Variants in NAV3 observed in about 807,000 individuals in gnomAD.
The protein encoded by NAV3 is pore membrane and/or filament interacting like protein 1.
Under a neutral mutation model 244.7 loss-of-function variants are expected in NAV3, and 87 were observed. The observed-to-expected ratio is 0.36, with a 90% CI of 0.30 to 0.42. The LOEUF is 0.42. Among genes scored for constraint, NAV3 ranks in the 20% least tolerant of loss-of-function variants. NAV3 has a pLI of 1.00. For missense variants in NAV3, 2,663 were observed against 2,893.3 expected, an observed-to-expected ratio of 0.92 and a Z score of 1.83; for synonymous variants, 1,126 against 1,042.2, an observed-to-expected ratio of 1.08 and a Z score of -1.55.
intron 2 of NAV3, among the ~76,000 whole-genome samples, chr12:77,593,513 G>C (rs189078833): frequency 6.6e-6 from 1 of 150,666 alleles, no homozygotes; most frequent in Non-Finnish European, 1.5e-5. Context: ...GCAGTGGCGC[G>C]ATCTCGGCTC....
chr12:77,667,401 T>C (rs1873762845), intron 2 of NAV3, among the ~76,000 whole-genome samples: 1 of 152,130 alleles, frequency 6.6e-6, no homozygotes, highest in Non-Finnish European at 1.5e-5. Flanking sequence ...TCCATGCTGT[T>C]GGTCGGGCAT....
chr12:77,781,190 C>T (rs1175574825), intron 2 of NAV3, among the ~76,000 whole-genome samples: 2 of 152,146 alleles, frequency 1.3e-5, no homozygotes, highest in Non-Finnish European at 2.9e-5. Context: ...TCCCAACCAT[C>T]TGAATGGACC....
At chr12:77,974,679 G>A (rs1032421062) in intron 5 of NAV3, among the ~76,000 whole-genome samples, 1 of 152,178 alleles carries the variant, frequency 6.6e-6, no homozygotes, top group African/African-American at 2.4e-5. Flanking sequence ...AGTCAAGCAA[G>A]TATGGGTTGG....
At chr12:78,031,995 GAAAC>G (rs1879077701) in intron 9 of NAV3, among the ~76,000 whole-genome samples, 1 of 151,962 alleles carries the variant, frequency 6.6e-6, no homozygotes, top group African/African-American at 2.4e-5. Flanking sequence ...ACCCTCAAAT[GAAAC>G]AAACATAGAG....
chr12:77,658,772 T>C (rs1364656264), intron 2 of NAV3, among the ~76,000 whole-genome samples: 2 of 151,790 alleles, frequency 1.3e-5, no homozygotes, highest in Non-Finnish European at 2.9e-5. Context: ...TATAGATCAA[T>C]GGAACAGAAC....
chr12:78,079,777 A>T (rs956965025), intron 12 of NAV3, among the ~76,000 whole-genome samples: 6 of 152,172 alleles, frequency 3.9e-5, no homozygotes, highest in African/African-American at 1.4e-4. Context: ...TGTACAAATG[A>T]TTAGGCCTAC....
At chr12:78,137,145 G>A in intron 18 of NAV3, 32 bp from the exon 19 acceptor site, 2 of 1,570,956 alleles carry the variant, frequency 1.3e-6, no homozygotes, top group Non-Finnish European at 1.7e-6. Context: ...TCAAGCTTAA[G>A]AGTAATAGGC....
intron 2 of NAV3, among the ~76,000 whole-genome samples, chr12:77,625,076 AT>A (rs1871556252): frequency 6.6e-6 from 1 of 152,190 alleles, no homozygotes; most frequent in Non-Finnish European, 1.5e-5. Context: ...GTGGAAAAAA[AT>A]TTTTTTAAGA....
At chr12:77,911,347 G>A (rs1030647692) in intron 1 of NAV3, among the ~76,000 whole-genome samples, 14 of 152,066 alleles carry the variant, frequency 9.2e-5, no homozygotes, top group African/African-American at 3.4e-4. Flanking sequence ...CTGTTGGCCA[G>A]CATAACATTT....
intron 2 of NAV3, among the ~76,000 whole-genome samples, chr12:77,702,687 T>C (rs1875614148): frequency 6.6e-6 from 1 of 152,050 alleles, no homozygotes; most frequent in African/African-American, 2.4e-5. Flanking sequence ...AGAAACAAAG[T>C]ATTTTTCTAC....
chr12:78,071,776 A>T (rs930172683), intron 12 of NAV3, among the ~76,000 whole-genome samples: 11 of 152,162 alleles, frequency 7.2e-5, no homozygotes, highest in Admixed American at 6.5e-4. Flanking sequence ...CAAAGATCAG[A>T]TAGTTGTAGA....
intron 2 of NAV3, among the ~76,000 whole-genome samples, chr12:77,754,650 A>C (rs1457036642): frequency 6.6e-6 from 1 of 152,216 alleles, no homozygotes; most frequent in Non-Finnish European, 1.5e-5. Flanking sequence ...ACTAAAGCAG[A>C]AAGAATGGCA....
At chr12:77,993,760 C>T (rs1871846834) in intron 5 of NAV3, among the ~76,000 whole-genome samples, 1 of 152,252 alleles carries the variant, frequency 6.6e-6, no homozygotes, top group Middle Eastern at 3.4e-3. Context: ...ATCAGGACTC[C>T]AAGTGATCCC....
In NAV3 at chr12:77,787,006, A is replaced by G. The variant is rs146556541; in HGVS notation, c.73-153313A>G. On this transcript the variant is annotated intron_variant, in intron 2 of 8. Transcript: ENST00000550042. ...AATTACTATAAGTTCGTTGAAAAGT[A>G]CTCCCTTTAACCCCCTATCTGCTTG... Among the ~76,000 whole-genome samples the G allele has an allele frequency of 1.6e-4, 24 of 151,870 alleles. No individual in the cohort carries two copies. In the East Asian group the frequency reaches 4.7e-3, roughly 30 times the overall value.
At chr12:78,090,954 CTGTGTGTGTG>C (rs10581059) in intron 12 of NAV3, among the ~76,000 whole-genome samples, 15,791 of 142,572 alleles carry the variant, frequency 0.11, 869 homozygotes, top group Middle Eastern at 0.13. Flanking sequence ...GTGCTGTATT[CTGTGTGTGTG>C]TGTGTGTGTG....
intron 5 of NAV3, among the ~76,000 whole-genome samples, chr12:77,979,483 C>T (rs1869134335): frequency 6.6e-6 from 1 of 151,890 alleles, no homozygotes; most frequent in Admixed American, 6.6e-5. Flanking sequence ...GCCAAGTCTA[C>T]ATGGAAAATC....
At chr12:77,953,994 T>C (rs1233526537) in intron 3 of NAV3, among the ~76,000 whole-genome samples, 1 of 152,174 alleles carries the variant, frequency 6.6e-6, no homozygotes, top group African/African-American at 2.4e-5. Flanking sequence ...TCAGCAGTAC[T>C]GTACGTCTTC....
intron 2 of NAV3, among the ~76,000 whole-genome samples, chr12:77,778,676 T>A: frequency 6.6e-6 from 1 of 152,090 alleles, no homozygotes; most frequent in Admixed American, 6.6e-5. Flanking sequence ...TTTATTTTTT[T>A]AATAAAGCAA....
chr12:77,749,250 G>A lies in NAV3; in HGVS notation c.72+176984G>A, dbSNP rs559619023. Among the ~76,000 whole-genome samples, 188 of 152,228 alleles carry A rather than the reference G, an allele frequency of 1.2e-3. No individual in the cohort carries two copies. In the Middle Eastern group the frequency reaches 0.017, roughly 14 times the overall value. On this transcript the variant is annotated intron_variant, in intron 2 of 8. Coordinates refer to the NAV3 transcript ENST00000550042. ...GAACAGAGTCCAATGAACAGAAAAA[G>A]AAATATCATTATATATGGAAGGGCA...
Sources: allele counts gnomAD v4.1 joint callset (sites outside exome capture counted in the v4.1 genomes callset), GRCh38; gene constraint gnomAD v4.1.1; transcripts MANE v1.5; gene names NCBI Gene and HGNC (gene_info 2026-07-23, HGNC 2026-07-21).